The following PLOD3 variants were observed in gnomAD, a reference collection of about 807,000 sequenced individuals.
PLOD3 encodes the protein multifunctional procollagen lysine hydroxylase and glycosyltransferase LH3.
In PLOD3, 73 loss-of-function variants were observed where a neutral mutation model predicts 96.9. The ratio of observed to expected loss-of-function variants is 0.75; its 90% CI spans 0.62 to 0.92. The LOEUF (loss-of-function observed/expected upper bound fraction) is 0.92. PLOD3 is among the 40% of genes least tolerant of loss of function. PLOD3 has a pLI of 0.00. For synonymous variants in PLOD3, 454 were observed against 413.7 expected (o/e 1.10, Z -1.18); for missense variants, 1,004 against 1,004.3 (o/e 1.00, Z 0.00).
chr7:101,211,591 A>G lies in PLOD3; in HGVS notation c.1358T>C (p.Val453Ala). ...GGGGCTGCAGGCTGGCGGGACTCAC[A>G]CTCGCTTCCGCTGCACCAGCTCCAC... ...DYVELVQRKR[V>A]GVWNVPYISQ... The change falls in exon 12 of 19, where the codon GTG becomes GCG. Residue 453 changes from valine to alanine, a missense_variant and splice_region_variant. Coordinates refer to ENST00000223127, the MANE Select transcript of PLOD3 (RefSeq NM_001084.5). 1 of 1,598,174 alleles carries G rather than the reference A, an allele frequency of 6.3e-7. No homozygotes were observed. The highest frequency in any genetic ancestry group is 8.5e-7 in the Non-Finnish European group (1 of 1,173,546).
At chr7:101,216,822 G>GCCCAGCT (rs1282380137) in intron 1 of PLOD3, 36 bp from the exon 2 acceptor site, 1 of 1,419,348 alleles carries the variant, frequency 7.0e-7, no homozygotes, top group Admixed American at 1.7e-5. Context: ...GAGATCCACC[G>GCCCAGCT]CCCAGCTCCG....
In PLOD3 at chr7:101,216,192, C is replaced by T. The variant is rs1364306776; in HGVS notation, c.473G>A (p.Gly158Asp). ...AGAATTGAGGAAGCGCTTCCCCGTG[C>T]CCACCTCAGGGTACTGCTCCGCCAG... ...WGLAEQYPEVGTGKRFLNSGG... is the reference protein window; with the variant it reads ...WGLAEQYPEVDTGKRFLNSGG... Residue 158 changes from glycine to aspartate, a missense_variant, in exon 4 of 19, where the codon GGC (glycine) becomes GAC (aspartate). Gly to Asp is a moderately conservative substitution (Grantham distance 94). Around this residue, in one of 5 missense-constraint regions of PLOD3, gnomAD observed 690 missense variants for 650.2 expected, o/e 1.06. Transcript: ENST00000223127. 6.2e-7 allele frequency: 1 copy of T among 1,614,046 alleles called. No individual in the cohort carries two copies.
intron 6 of PLOD3, among the ~76,000 whole-genome samples, chr7:101,214,337 G>T (rs769418479): frequency 6.4e-4 from 97 of 151,346 alleles, no homozygotes; most frequent in African/African-American, 1.9e-3. Flanking sequence ...CGCCATGTTG[G>T]CCAGGCTGGT....
At chr7:101,207,487 C>T in intron 17 of PLOD3, 91 bp downstream of exon 17, 1 of 1,367,484 alleles carries the variant, frequency 7.3e-7, no homozygotes, top group Admixed American at 1.8e-5. Context: ...AGCCCAAATG[C>T]TGCCGGGGCC....
chr7:101,212,631 C>A lies in PLOD3; in HGVS notation c.904G>T (p.Val302Leu). Residue 302 changes from valine to leucine, a missense_variant, in exon 9 of 19, where the codon GTG (valine) becomes TTG (leucine). By Grantham distance (32) the Val-to-Leu change is conservative. This residue lies in a region of PLOD3 where 690 missense variants were observed against 650.2 expected (regional missense o/e 1.06). Coordinates refer to ENST00000223127, the MANE Select transcript of PLOD3 (RefSeq NM_001084.5). ...GQPPPRVFLA[V>L]FVEQPTPFLP... Reference sequence around the variant, plus strand: ...AACGGAGTAGGCTGTTCCACAAACACGGCCAGAAACACCCGGGGGGGAGGC... The same window carrying A: ...AACGGAGTAGGCTGTTCCACAAACAAGGCCAGAAACACCCGGGGGGGAGGC... 6.2e-7 allele frequency: 1 copy of A among 1,613,780 alleles called. No individual in the cohort carries two copies. The highest frequency in any genetic ancestry group is 2.2e-5 in the East Asian group (1 of 44,866).
rs1562897045 is a variant in PLOD3, at chr7:101,217,552, T to G, written c.-278A>C. The G allele has an allele frequency of 4.2e-6, 2 of 481,812 alleles. No individual in the cohort carries two copies. Among genetic ancestry groups the G allele is most frequent in the East Asian group, 7.7e-5 (2 of 26,124 alleles). 29.8% of individuals were successfully genotyped at this position (481,812 alleles called of 1,614,324 possible). A position where few individuals can be genotyped will look rare whatever the true frequency, so the allele number is the denominator to read the frequency against. On this transcript the variant is annotated 5_prime_UTR_variant, in exon 1 of 19. Coordinates refer to ENST00000223127, the MANE Select transcript of PLOD3 (RefSeq NM_001084.5). ...GGGCCGGCGGGCGGGAGACAGGGAC[T>G]CTGGGCTGAGCCAGCCGCTTGACAC...
At chr7:101,207,005 C>G in intron 17 of PLOD3, 101 bp from the exon 18 acceptor site, 1 of 1,388,522 alleles carries the variant, frequency 7.2e-7, no homozygotes, top group Non-Finnish European at 9.7e-7. Context: ...CGCTCTGTCA[C>G]TCAGGCTGGA....
intron 15 of PLOD3, 189 bp downstream of exon 15, chr7:101,209,904 G>A (rs543641461): frequency 1.2e-4 from 69 of 584,254 alleles, no homozygotes; most frequent in South Asian, 9.6e-4. Context: ...CAGGAGAAGA[G>A]GCTGTCTGAT....
Position 101,215,973 on chromosome 7 carries a change from T to C in PLOD3, c.550A>G (p.Lys184Glu). ...TGGTCGTCGTCATCATCCTTGTACT[T>C]CCACTGGCGCACGATTTGGTGGATG... ...TTIHQIVRQW[K>E]YKDDDDDQLF... Residue 184 changes from lysine to glutamate, a missense_variant, in exon 5 of 19, where the codon AAG becomes GAG. Physicochemically the swap from Lys to Glu is moderately conservative, Grantham distance 56. Transcript: ENST00000223127. 6.2e-7 allele frequency: 1 copy of C among 1,614,088 alleles called. No individual in the cohort carries two copies. Among genetic ancestry groups the C allele is most frequent in the Non-Finnish European group, 8.5e-7 (1 of 1,179,998 alleles).
At position 101,208,885 on chromosome 7, in the gene PLOD3, G is replaced by C. The variant is rs147326916; in HGVS notation, c.1756C>G (p.His586Asp). 1.4e-4 allele frequency: 225 copies of C among 1,613,782 alleles called. No individual in the cohort carries two copies. The highest frequency in any genetic ancestry group is 1.1e-4 in the Non-Finnish European group (127 of 1,179,712). The change falls in exon 16 of 19, where the codon CAC (histidine) becomes GAC (aspartate). Residue 586 changes from histidine (H) to aspartate (D), a missense_variant. By Grantham distance (81) the His-to-Asp change is moderately conservative. Around this residue, in one of 5 missense-constraint regions of PLOD3, gnomAD observed 222 missense variants for 220.4 expected, o/e 1.01. Coordinates refer to ENST00000223127, the MANE Select transcript of PLOD3 (RefSeq NM_001084.5). ...MCDELVAEME[H>D]YGQWSGGRHE... ...CGGCCGCCTGACCACTGGCCGTAGTGCTCCATCTCTGCCACCAGCTCATCA... is the reference window on the plus strand; with the variant it reads ...CGGCCGCCTGACCACTGGCCGTAGTCCTCCATCTCTGCCACCAGCTCATCA...
intron 17 of PLOD3, among the ~76,000 whole-genome samples, chr7:101,207,199 C>T (rs989568419): frequency 3.3e-5 from 5 of 152,090 alleles, no homozygotes; most frequent in African/African-American, 1.2e-4. Flanking sequence ...TGGTCTTGAA[C>T]TCCTGACCTC....
At chr7:101,210,201 T>C (rs1361195276) in intron 14 of PLOD3, 40 bp from the exon 15 acceptor site, 1 of 1,530,724 alleles carries the variant, frequency 6.5e-7, no homozygotes, top group Non-Finnish European at 9.0e-7. Flanking sequence ...TGTGCCCCCC[T>C]CGCTCCCAGC....
chr7:101,206,044 A>G lies in PLOD3; in HGVS notation c.*237T>C. ...AACATTAATAATTTATCACGCGGGG[A>G]GTCCCCAGAAGCCCTGTGCCCACGA... On this transcript the variant is annotated 3_prime_UTR_variant, in exon 19 of 19. Transcript: ENST00000223127. 3.3e-6 allele frequency: 2 copies of G among 605,162 alleles called. No homozygotes were observed. Among genetic ancestry groups the G allele is most frequent in the East Asian group, 5.6e-5 (2 of 35,846 alleles). The allele number at this position is 605,162 out of a possible 1,614,324, so 37.5% of individuals were successfully genotyped here.
At chr7:101,211,976 G>A (rs370650989) in intron 10 of PLOD3, 26 bp from the exon 11 acceptor site, 20 of 1,501,492 alleles carry the variant, frequency 1.3e-5, no homozygotes, top group Middle Eastern at 2.0e-4. Context: ...GAGCTGAGAC[G>A]GCGGCAGGTG....
Position 101,211,896 on chromosome 7 carries a change from G to T in PLOD3, c.1182C>A (p.Asp394Glu). The T allele has an allele frequency of 6.2e-7, 1 of 1,612,458 alleles. No homozygotes were observed. The highest frequency in any genetic ancestry group is 8.5e-7 in the Non-Finnish European group (1 of 1,179,398). ...GGGTCTGCAGGTTGGTGAGGACAGC[G>T]TCGGCGTCCAGGCTGAAGTAGAACT... ...ECEFYFSLDA[D>E]AVLTNLQTLR... The change falls in exon 11 of 19, where the codon GAC (aspartate) becomes GAA (glutamate). Residue 394 changes from aspartate to glutamate, a missense_variant. Transcript: ENST00000223127.
rs774504501 is a variant in PLOD3 at position 101,212,520 on chromosome 7, G to A, written c.1005+10C>T. ...GTCCCTCAGGAGAGGCTCCAACAGGGGAGTCTCACGTTGTTGTGCAGGAAA... is the reference window on the plus strand; with the variant it reads ...GTCCCTCAGGAGAGGCTCCAACAGGAGAGTCTCACGTTGTTGTGCAGGAAA... On this transcript the variant is annotated intron_variant, in intron 9 of 18. Transcript: ENST00000223127. 2.5e-6 allele frequency: 4 copies of A among 1,613,364 alleles called. No homozygotes were observed. Among genetic ancestry groups the A allele is most frequent in the African/African-American group, 1.3e-5 (1 of 74,992 alleles).
rs1373824844 is a variant in PLOD3, at chr7:101,210,200, C to T, written c.1615-39G>A. The T allele has an allele frequency of 3.9e-6, 6 of 1,539,204 alleles. No individual in the cohort carries two copies. The Admixed American group carries it at 5.5e-5, about 14-fold the overall frequency. On this transcript the variant is annotated intron_variant, in intron 14 of 18. Coordinates refer to ENST00000223127, the MANE Select transcript of PLOD3 (RefSeq NM_001084.5). The stretch of plus-strand genomic sequence containing the variant: ...GGGGGCACATCAGATCTGTGCCCCC[C>T]TCGCTCCCAGCCCCCAGGGGACCGC...
Position 101,206,057 on chromosome 7 carries a change from C to A in PLOD3, c.*224G>T. On this transcript the variant is annotated 3_prime_UTR_variant, in exon 19 of 19. Coordinates refer to ENST00000223127, the MANE Select transcript of PLOD3 (RefSeq NM_001084.5). ...TATCACGCGGGGAGTCCCCAGAAGC[C>A]CTGTGCCCACGAACCCCTGTGGGCG... The A allele has an allele frequency of 1.6e-6, 1 of 622,438 alleles. No homozygotes were observed. The highest frequency in any genetic ancestry group is 2.7e-5 in the East Asian group (1 of 36,498). 38.6% of individuals were successfully genotyped at this position (622,438 alleles called of 1,614,324 possible). A position where few individuals can be genotyped will look rare whatever the true frequency, so the allele number is the denominator to read the frequency against.
chr7:101,210,893 G>T, intron 12 of PLOD3: 1 of 565,556 alleles, frequency 1.8e-6, no homozygotes, highest in South Asian at 2.0e-5. Context: ...CTTGTTTTTG[G>T]TTTTTGAGAC....
Sources: gnomAD v4.1 joint callset for allele counts (sites outside exome capture counted in the v4.1 genomes callset) on GRCh38, gnomAD v4.1.1 for gene constraint, gnomAD v4.1.1 regional missense constraint, MANE v1.5 for transcripts, NCBI Gene and HGNC (gene_info 2026-07-23, HGNC 2026-07-21) for gene names.